FREM3: variants seen among roughly 807,000 people sequenced by gnomAD.
FREM3 encodes the protein FRAS1 related extracellular matrix 3, also known as FRAS1-related extracellular matrix protein 3.
Under a neutral mutation model 129.1 loss-of-function variants are expected in FREM3, and 105 were observed. That is an observed-to-expected ratio of 0.81 (90% CI 0.69 to 0.96). The LOEUF is 0.96. Among genes scored for constraint, FREM3 ranks in the 40% least tolerant of loss-of-function variants. FREM3 has a pLI of 0.00. For synonymous variants in FREM3, 1,014 were observed against 1,044.9 expected (o/e 0.97, Z 0.57); for missense variants, 2,593 against 2,666.3 (o/e 0.97, Z 0.61).
rs946569467 is a variant in FREM3 at position 143,700,116 on chromosome 4, G to T, written c.560C>A (p.Ala187Asp). 4 of 1,537,050 alleles carry T rather than the reference G, an allele frequency of 2.6e-6. No individual in the cohort carries two copies. The Admixed American group carries it at 7.8e-5, about 30-fold the overall frequency. The part of the protein sequence containing the change: ...VVEKLRSWSR[A>D]IDRRVLDFAS... The stretch of plus-strand genomic sequence containing the variant: ...GAAGTCCAGCACTCTCCTGTCTATG[G>T]CGCGGCTCCAGCTTCGCAGCTTCTC... Residue 187 changes from alanine to aspartate, a missense_variant, in exon 1 of 8, where the codon GCC (alanine) becomes GAC (aspartate). Around this residue, in one of 2 missense-constraint regions of FREM3, gnomAD observed 2,276 missense variants for 2,267.2 expected, o/e 1.00. Coordinates refer to ENST00000329798, the MANE Select transcript of FREM3 (RefSeq NM_001168235.2).
In FREM3 at chr4:143,699,516, A is replaced by G. The variant is rs1740651434; in HGVS notation, c.1160T>C (p.Ile387Thr). Reference sequence around the variant, plus strand: ...GTTCTCTGCAGGGGGCTGATAGGCAATCTTCAGCTCCCTCAGCTCCTGCTG... The same window carrying G: ...GTTCTCTGCAGGGGGCTGATAGGCAGTCTTCAGCTCCCTCAGCTCCTGCTG... ...FTQQELRELKIAYQPPAENSH... is the reference protein window; with the variant it reads ...FTQQELRELKTAYQPPAENSH... The change falls in exon 1 of 8, where the codon ATT becomes ACT. Residue 387 changes from isoleucine to threonine, a missense_variant. Physicochemically the swap from Ile to Thr is moderately conservative, Grantham distance 89. Coordinates refer to ENST00000329798, the MANE Select transcript of FREM3 (RefSeq NM_001168235.2). The surrounding 1 kb of genome is among the most constrained non-coding windows in gnomAD (Gnocchi z 4.2). 2.6e-6 allele frequency: 4 copies of G among 1,537,072 alleles called. No individual in the cohort carries two copies. The East Asian group carries it at 7.3e-5, about 28-fold the overall frequency.
In FREM3 at chr4:143,696,978, G is replaced by C; in HGVS notation, c.3698C>G (p.Thr1233Arg). Residue 1233 changes from threonine to arginine, a missense_variant, in exon 1 of 8, where the codon ACA (threonine) becomes AGA (arginine). By Grantham distance (71) the Thr-to-Arg change is moderately conservative. Coordinates refer to ENST00000329798, the MANE Select transcript of FREM3 (RefSeq NM_001168235.2). ...LPPNELHFQL[T>R]ALPRHGRIIQ... The stretch of plus-strand genomic sequence containing the variant: ...GATTCGTCCATGCCGAGGGAGGGCT[G>C]TGAGTTGAAAGTGGAGCTCATTTGG... 1 of 1,537,796 alleles carries C rather than the reference G, an allele frequency of 6.5e-7. No individual in the cohort carries two copies. Among genetic ancestry groups the C allele is most frequent in the Non-Finnish European group, 8.7e-7 (1 of 1,147,036 alleles).
rs750809003 is a variant in FREM3, at chr4:143,595,889, G to GGAAAAAAAA, written c.6029-9897_6029-9896insTTTTTTTTC. 5.5e-3 allele frequency among the ~76,000 whole-genome samples: 612 copies of GGAAAAAAAA among 110,518 alleles called. 38 individuals are homozygous for GGAAAAAAAA. The highest frequency in any genetic ancestry group is 0.011 in the Middle Eastern group (2 of 184). 72.5% of individuals were successfully genotyped at this position (110,518 alleles called of 152,430 possible). A position where few individuals can be genotyped will look rare whatever the true frequency, so the allele number is the denominator to read the frequency against. On this transcript the variant is annotated intron_variant, in intron 6 of 7. Transcript: ENST00000329798. Reference sequence around the variant, plus strand: ...GGCGACAGAGCGAGACGCCATCTCAGAAAAAAAAAAAAAAAGAAGGAACTG... The same window carrying GGAAAAAAAA: ...GGCGACAGAGCGAGACGCCATCTCAGGAAAAAAAAAAAAAAAAAAAAAAAGAAGGAACTG...
At position 143,623,831 on chromosome 4, in the gene FREM3, G is replaced by A. The variant is rs553957690; in HGVS notation, c.5653+277C>T. On this transcript the variant is annotated intron_variant, in intron 4 of 7. Coordinates refer to ENST00000329798, the MANE Select transcript of FREM3 (RefSeq NM_001168235.2). The stretch of plus-strand genomic sequence containing the variant: ...AGCCATCTGGGAGCAGAGTTGCTTC[G>A]TACCTATGGCGTGCAGAAAGCCTGC... Among the ~76,000 whole-genome samples the A allele has an allele frequency of 3.2e-4, 49 of 152,184 alleles. 2 individuals carry two copies. The South Asian group carries it at 0.01, about 32-fold the overall frequency.
chr4:143,602,490 A>G (rs537438175), intron 6 of FREM3, among the ~76,000 whole-genome samples: 1 of 152,236 alleles, frequency 6.6e-6, no homozygotes, highest in African/African-American at 2.4e-5. Context: ...GTATCTCCCA[A>G]AAAAGTCATA....
At position 143,673,664 on chromosome 4, in the gene FREM3, C is replaced by T. The variant is rs551936756; in HGVS notation, c.5275+19449G>A. On this transcript the variant is annotated intron_variant, in intron 2 of 7. Coordinates refer to ENST00000329798, the MANE Select transcript of FREM3 (RefSeq NM_001168235.2). ...GTCTGCAGAGGTTTCTGCTGCCTTTCGTTCAGCTATGCCCTGCCCCCAGAG... is the reference window on the plus strand; with the variant it reads ...GTCTGCAGAGGTTTCTGCTGCCTTTTGTTCAGCTATGCCCTGCCCCCAGAG... 9.2e-4 allele frequency among the ~76,000 whole-genome samples: 140 copies of T among 152,358 alleles called. 1 individual carries two copies. The East Asian group carries it at 0.015, about 16-fold the overall frequency.
At chr4:143,632,810 T>TA (rs72125581) in intron 2 of FREM3, among the ~76,000 whole-genome samples, 6,200 of 150,014 alleles carry the variant, frequency 0.041, 353 homozygotes, top group African/African-American at 0.13. Flanking sequence ...GTTGATGAGC[T>TA]AAAAAAAAAA....
chr4:143,662,687 A>G (rs1050055190), intron 2 of FREM3, among the ~76,000 whole-genome samples: 3 of 152,142 alleles, frequency 2.0e-5, no homozygotes, highest in Admixed American at 6.6e-5. Context: ...GTGGGGTGTT[A>G]AAGTCTCCCA....
Position 143,698,696 on chromosome 4 carries a change from A to ATTAC in FREM3, c.1979_1980insGTAA (p.Gly661Ter). 6.5e-7 allele frequency: 1 copy of ATTAC among 1,537,478 alleles called. No homozygotes were observed. The highest frequency in any genetic ancestry group is 2.0e-5 in the Admixed American group (1 of 51,004). On this transcript the variant is annotated stop_gained and frameshift_variant, in exon 1 of 8. Coordinates refer to ENST00000329798, the MANE Select transcript of FREM3 (RefSeq NM_001168235.2). LOFTEE classifies it high-confidence loss of function. ...TTACAGATTGAGGGCTGTGTGGTCC[A>ATTAC]AGATGGCGGTAGAAGAGTCTCCCTT...
At position 143,698,226 on chromosome 4, in the gene FREM3, GTGCCTGGCACGCTAT is replaced by G; in HGVS notation, c.2435_2449del (p.Asn812_Gly816del). 2.6e-6 allele frequency: 4 copies of G among 1,537,420 alleles called. No homozygotes were observed. The highest frequency in any genetic ancestry group is 3.5e-6 in the Non-Finnish European group (4 of 1,146,936). ...CACAGGTTGCAGGAATAATGTGAAT[GTGCCTGGCACGCTAT>G]TGCCTGCAGCATCTTCCACCTGGTA... On this transcript the variant is annotated inframe_deletion, in exon 1 of 8. Transcript: ENST00000329798.
intron 6 of FREM3, among the ~76,000 whole-genome samples, chr4:143,605,898 G>A (rs1029963767): frequency 2.6e-5 from 4 of 152,088 alleles, no homozygotes; most frequent in African/African-American, 7.2e-5. Context: ...AAAGTCAAGC[G>A]TACCCAGATG....
intron 5 of FREM3, among the ~76,000 whole-genome samples, chr4:143,616,787 C>T (rs1200913577): frequency 2.3e-5 from 3 of 128,276 alleles, no homozygotes; most frequent in Non-Finnish European, 4.5e-5. Flanking sequence ...AGCGAGACTC[C>T]GTCTCAAAAA....
intron 2 of FREM3, among the ~76,000 whole-genome samples, chr4:143,633,518 C>T (rs1739177734): frequency 1.3e-5 from 2 of 152,100 alleles, no homozygotes. Flanking sequence ...AACAAAATCC[C>T]ACAGCAATGA....
intron 3 of FREM3, among the ~76,000 whole-genome samples, chr4:143,626,096 G>A (rs576101468): frequency 6.6e-5 from 10 of 152,260 alleles, no homozygotes; most frequent in Admixed American, 5.9e-4. Flanking sequence ...GTATCAGAAG[G>A]ACTTTCTGGA....
chr4:143,608,875 C>G (rs375231604), intron 6 of FREM3, among the ~76,000 whole-genome samples: 1 of 152,080 alleles, frequency 6.6e-6, no homozygotes, highest in Non-Finnish European at 1.5e-5. Flanking sequence ...CACTAATTAA[C>G]TCTCTTTTTT....
Position 143,700,200 on chromosome 4 carries a change from G to C in FREM3, c.476C>G (p.Ala159Gly). 2.6e-6 allele frequency: 4 copies of C among 1,536,998 alleles called. No individual in the cohort carries two copies. The highest frequency in any genetic ancestry group is 1.7e-4 in the Middle Eastern group (1 of 5,992). The part of the protein sequence containing the change: ...THTLVLPFTL[A>G]VDLVFSQLEL... ...CAGCTGGGAGAAGACCAAGTCCACC[G>C]CCAGCGTGAAGGGCAGCACCAGAGT... Residue 159 changes from alanine to glycine, a missense_variant, in exon 1 of 8, where the codon GCG becomes GGG. Physicochemically the swap from Ala to Gly is moderately conservative, Grantham distance 60 (BLOSUM62 0). Transcript: ENST00000329798.
chr4:143,697,629 C>A lies in FREM3; in HGVS notation c.3047G>T (p.Arg1016Ile), dbSNP rs190616609. Residue 1016 changes from arginine (R) to isoleucine (I), a missense_variant, in exon 1 of 8, where the codon AGA (arginine) becomes ATA (isoleucine). Physicochemically the swap from Arg to Ile is moderately conservative, Grantham distance 97. This residue lies in a region of FREM3 where 2,276 missense variants were observed against 2,267.2 expected (regional missense o/e 1.00). Coordinates refer to ENST00000329798, the MANE Select transcript of FREM3 (RefSeq NM_001168235.2). ...ACCTGCAGTGTGGGCATAGGCTACT[C>A]TCCCATTGATGAGATCCTCTTGGGT... Reference protein sequence around the residue: ...RFTQEDLINGRVAYAHTAGEV... With the variant: ...RFTQEDLINGIVAYAHTAGEV... 2.0e-4 allele frequency: 311 copies of A among 1,537,842 alleles called. No homozygotes were observed. Among genetic ancestry groups the A allele is most frequent in the Middle Eastern group, 1.7e-4 (1 of 5,994 alleles).
intron 2 of FREM3, among the ~76,000 whole-genome samples, chr4:143,684,629 A>G (rs1326805078): frequency 6.6e-6 from 1 of 152,210 alleles, no homozygotes; most frequent in African/African-American, 2.4e-5. Context: ...ACACTAGTTC[A>G]TCAGCAATGG....
chr4:143,699,828 C>T lies in FREM3; in HGVS notation c.848G>A (p.Gly283Asp), dbSNP rs1740659240. ...GPEGQDAGSA[G>D]VLVREHFQLL... ...CTGGAAGTGCTCGCGGACCAGCACA[C>T]CCGCGGACCCAGCGTCTTGGCCCTC... The change falls in exon 1 of 8, where the codon GGT becomes GAT. Residue 283 changes from glycine (G) to aspartate (D), a missense_variant. By Grantham distance (94) the Gly-to-Asp change is moderately conservative. Coordinates refer to ENST00000329798, the MANE Select transcript of FREM3 (RefSeq NM_001168235.2). The surrounding 1 kb of genome is among the most constrained non-coding windows in gnomAD (Gnocchi z 4.2). The T allele has an allele frequency of 6.5e-7, 1 of 1,536,454 alleles. No homozygotes were observed. The highest frequency in any genetic ancestry group is 1.4e-5 in the African/African-American group (1 of 73,070).
Sources: gnomAD v4.1 joint callset for allele counts (sites outside exome capture counted in the v4.1 genomes callset) on GRCh38, gnomAD v4.1.1 for gene constraint, gnomAD v4.1.1 regional missense constraint, Gnocchi (gnomAD v3.1) non-coding constraint, MANE v1.5 for transcripts, NCBI Gene and HGNC (gene_info 2026-07-23, HGNC 2026-07-21) for gene names.